The following OR2T1 variants were observed in gnomAD, a reference collection of about 807,000 sequenced individuals.
The protein encoded by OR2T1 is olfactory receptor family 2 subfamily T member 1, also known as olfactory receptor 2T1.
For missense variants in OR2T1, 440 were observed against 390.2 expected (o/e 1.13, Z -1.07); for synonymous variants, 186 against 145.4 (o/e 1.28, Z -2.01).
Position 248,406,887 on chromosome 1 carries a change from T to G in OR2T1, c.740T>G (p.Val247Gly). The G allele has an allele frequency of 6.2e-7, 1 of 1,614,118 alleles. No individual in the cohort carries two copies. The highest frequency in any genetic ancestry group is 8.5e-7 in the Non-Finnish European group (1 of 1,179,998). Residue 247 changes from valine (V) to glycine (G), a missense_variant, in exon 2 of 2, where the codon GTG (valine) becomes GGG (glycine). Val to Gly is a moderately radical substitution (Grantham distance 109, BLOSUM62 -3). Transcript: ENST00000642005. Reference sequence around the variant, plus strand: ...ACTTGCTCATCCCACATGACTGTGGTGTCCTTGTTCTACGGGGCTGCCATG... The same window carrying G: ...ACTTGCTCATCCCACATGACTGTGGGGTCCTTGTTCTACGGGGCTGCCATG... ...FATCSSHMTV[V>G]SLFYGAAMYT...
At chr1:248,406,087 C>T in intron 1 of OR2T1, 28 bp from the exon 2 acceptor site, 2 of 1,613,960 alleles carry the variant, frequency 1.2e-6, no homozygotes, top group South Asian at 1.1e-5. Context: ...TTTTACTGCC[C>T]TGGGAATGCT....
chr1:248,406,508 C>A lies in OR2T1; in HGVS notation c.361C>A (p.Arg121Ser). The change falls in exon 2 of 2, where the codon CGC (arginine) becomes AGC (serine). Residue 121 changes from arginine to serine, a missense_variant. Transcript: ENST00000642005. ...FFLLGLMAYD[R>S]YVAICNPLRY... The stretch of plus-strand genomic sequence containing the variant: ...CCTGCTGGGCCTCATGGCCTATGAC[C>A]GCTATGTGGCCATTTGCAACCCTCT... The A allele has an allele frequency of 6.2e-7, 1 of 1,614,136 alleles. No homozygotes were observed. Among genetic ancestry groups the A allele is most frequent in the Non-Finnish European group, 8.5e-7 (1 of 1,180,008 alleles).
At chr1:248,404,485 C>T (rs1374651141) in intron 1 of OR2T1, among the ~76,000 whole-genome samples, 3 of 148,414 alleles carry the variant, frequency 2.0e-5, no homozygotes, top group South Asian at 4.4e-4. Context: ...TGACATTGTA[C>T]ATAGTATCAT....
Position 248,407,400 on chromosome 1 carries a change from A to G in OR2T1, c.*296A>G, listed in dbSNP as rs186361629. 7.3e-4 allele frequency: 264 copies of G among 360,192 alleles called. 1 individual carries two copies. The highest frequency in any genetic ancestry group is 2.7e-3 in the Admixed American group (62 of 23,254). 22.3% of individuals were successfully genotyped at this position (360,192 alleles called of 1,614,324 possible). On this transcript the variant is annotated 3_prime_UTR_variant, in exon 2 of 2. Transcript: ENST00000642005. Reference sequence around the variant, plus strand: ...CCAATCTTTCCCCGCTTTTGGTCACAAAGAAATTATCTGACTACCTTGTCT... The same window carrying G: ...CCAATCTTTCCCCGCTTTTGGTCACGAAGAAATTATCTGACTACCTTGTCT...
chr1:248,405,392 A>T (rs1049477941), intron 1 of OR2T1, among the ~76,000 whole-genome samples: 1 of 152,180 alleles, frequency 6.6e-6, no homozygotes, highest in Admixed American at 6.6e-5. Flanking sequence ...TTAATTGCTA[A>T]TACTGATTTC....
intron 1 of OR2T1, among the ~76,000 whole-genome samples, chr1:248,405,406 T>G (rs188029594): frequency 2.0e-5 from 3 of 152,326 alleles, no homozygotes; most frequent in Non-Finnish European, 1.5e-5. Flanking sequence ...TGATTTCTAA[T>G]GGTCATGCTA....
chr1:248,405,881 A>T (rs980593570), intron 1 of OR2T1: 1 of 840,438 alleles, frequency 1.2e-6, no homozygotes, highest in East Asian at 2.5e-5. Context: ...ATCGTAATAC[A>T]GTATCATCTG....
chr1:248,407,106 A>C lies in OR2T1; in HGVS notation c.*2A>C, dbSNP rs1283049070. 1.3e-6 allele frequency: 2 copies of C among 1,566,720 alleles called. No individual in the cohort carries two copies. The highest frequency in any genetic ancestry group is 1.7e-6 in the Non-Finnish European group (2 of 1,158,412). On this transcript the variant is annotated 3_prime_UTR_variant, in exon 2 of 2. Transcript: ENST00000642005. Reference sequence around the variant, plus strand: ...AGGGTGTCAGGAGGTGTCTTTTGACAGTCGACTCCTTCCCATGCATATGGT... The same window carrying C: ...AGGGTGTCAGGAGGTGTCTTTTGACCGTCGACTCCTTCCCATGCATATGGT...
chr1:248,403,457 T>TA (rs1558313531), intron 1 of OR2T1, among the ~76,000 whole-genome samples: 1 of 152,172 alleles, frequency 6.6e-6, no homozygotes, highest in African/African-American at 2.4e-5. Context: ...TCAATTAATA[T>TA]AAGCAGATAC....
At chr1:248,404,750 A>G (rs1023780012) in intron 1 of OR2T1, among the ~76,000 whole-genome samples, 1 of 152,070 alleles carries the variant, frequency 6.6e-6, no homozygotes, top group East Asian at 1.9e-4. Context: ...CATGCTTGGT[A>G]CATTTTATTT....
chr1:248,403,651 T>C (rs1661476391), intron 1 of OR2T1, among the ~76,000 whole-genome samples: 1 of 152,176 alleles, frequency 6.6e-6, no homozygotes, highest in South Asian at 2.1e-4. Context: ...ATTATTTTTA[T>C]GTGTACTAAA....
In OR2T1 at chr1:248,406,597, G is replaced by A. The variant is rs1270183046; in HGVS notation, c.450G>A (p.Gly150=). 2 of 1,613,952 alleles carry A rather than the reference G, an allele frequency of 1.2e-6. No homozygotes were observed. Among genetic ancestry groups the A allele is most frequent in the African/African-American group, 1.3e-5 (1 of 74,868 alleles). ...CWMIIAGSWF[G]GSLDGFLLTP... ...TGATTATAGCAGGTTCCTGGTTTGGGGGCTCTTTGGATGGCTTCCTCCTAA... is the reference window on the plus strand; with the variant it reads ...TGATTATAGCAGGTTCCTGGTTTGGAGGCTCTTTGGATGGCTTCCTCCTAA... Residue 150 remains glycine (G), a synonymous_variant, in exon 2 of 2, where the codon GGG becomes GGA. Coordinates refer to ENST00000642005, the MANE Select transcript of OR2T1 (RefSeq NM_030904.2).
chr1:248,405,892 C>T (rs957956752), intron 1 of OR2T1: 3 of 934,962 alleles, frequency 3.2e-6, no homozygotes, highest in Admixed American at 2.5e-5. Flanking sequence ...GTATCATCTG[C>T]TGACCTCATC....
chr1:248,406,540 C>G lies in OR2T1; in HGVS notation c.393C>G (p.Tyr131Ter), dbSNP rs146416035. The G allele has an allele frequency of 6.2e-7, 1 of 1,614,152 alleles. No homozygotes were observed. Among genetic ancestry groups the G allele is most frequent in the South Asian group, 1.1e-5 (1 of 91,078 alleles). The change falls in exon 2 of 2, where the codon TAC (tyrosine) becomes TAG (stop). Residue 131 changes from tyrosine (Y) to a stop codon, truncating the protein, a stop_gained. Transcript: ENST00000642005. LOFTEE classifies it low-confidence loss of function (END_TRUNC). ...RYVAICNPLR[Y>*]PVLMSRRVCW... ...TGGCCATTTGCAACCCTCTGAGATACCCTGTCCTCATGAGCCGCCGGGTCT... is the reference window on the plus strand; with the variant it reads ...TGGCCATTTGCAACCCTCTGAGATAGCCTGTCCTCATGAGCCGCCGGGTCT...
In OR2T1 at chr1:248,407,274, A is replaced by G; in HGVS notation, c.*170A>G. The G allele has an allele frequency of 2.0e-6, 1 of 499,226 alleles. No homozygotes were observed. The highest frequency in any genetic ancestry group is 3.4e-6 in the Non-Finnish European group (1 of 298,438). The allele number at this position is 499,226 out of a possible 1,614,324, so 30.9% of individuals were successfully genotyped here. ...CATAGTTATGATGTTGTGGTTTTTT[A>G]GGCCTCAGAAAACTGAATCTCTCTC... On this transcript the variant is annotated 3_prime_UTR_variant, in exon 2 of 2. Coordinates refer to ENST00000642005, the MANE Select transcript of OR2T1 (RefSeq NM_030904.2).
In OR2T1 at chr1:248,407,525, G is replaced by A. The variant is rs1270282219; in HGVS notation, c.*421G>A. 2.3e-5 allele frequency: 4 copies of A among 174,746 alleles called. No individual in the cohort carries two copies. Among genetic ancestry groups the A allele is most frequent in the Non-Finnish European group, 4.8e-5 (4 of 84,036 alleles). The allele number at this position is 174,746 out of a possible 1,614,324, so 10.8% of individuals were successfully genotyped here. Reference sequence around the variant, plus strand: ...AGGCCAAGAAAAATCCGATCAGACAGGCCTTCGTGGGTGTCCCCACTCACT... The same window carrying A: ...AGGCCAAGAAAAATCCGATCAGACAAGCCTTCGTGGGTGTCCCCACTCACT... On this transcript the variant is annotated 3_prime_UTR_variant, in exon 2 of 2. Transcript: ENST00000642005.
At position 248,403,076 on chromosome 1, in the gene OR2T1, A is replaced by G. The variant is rs1325550020; in HGVS notation, c.-203A>G. 3 of 152,148 alleles carry G rather than the reference A, an allele frequency of 2.0e-5. No homozygotes were observed. The highest frequency in any genetic ancestry group is 7.2e-5 in the African/African-American group (3 of 41,452). The allele number at this position is 152,148 out of a possible 1,614,324, so 9.4% of individuals were successfully genotyped here. ...AAGCATACTTCTGCTCTTCAAAGGCATTTAGATGTTCTGCAAGCTTAATTG... is the reference window on the plus strand; with the variant it reads ...AAGCATACTTCTGCTCTTCAAAGGCGTTTAGATGTTCTGCAAGCTTAATTG... On this transcript the variant is annotated 5_prime_UTR_variant, in exon 1 of 2. Transcript: ENST00000642005.
Position 248,406,711 on chromosome 1 carries a change from T to C in OR2T1, c.564T>C (p.Cys188=), listed in dbSNP as rs370422886. 59 of 1,614,144 alleles carry C rather than the reference T, an allele frequency of 3.7e-5. No homozygotes were observed. The East Asian group carries it at 1.2e-3, about 33-fold the overall frequency. The change falls in exon 2 of 2, where the codon TGT becomes TGC. Residue 188 remains cysteine (C), a synonymous_variant. Coordinates refer to ENST00000642005, the MANE Select transcript of OR2T1 (RefSeq NM_030904.2). ...CEAPAVLKLA[C]ADTALYETVM... ...CACCAGCAGTCCTGAAGTTGGCATGTGCAGACACAGCCCTCTACGAGACAG... is the reference window on the plus strand; with the variant it reads ...CACCAGCAGTCCTGAAGTTGGCATGCGCAGACACAGCCCTCTACGAGACAG...
chr1:248,406,744 T>A lies in OR2T1; in HGVS notation c.597T>A (p.Tyr199Ter). Residue 199 changes from tyrosine to a stop codon, truncating the protein, a stop_gained, in exon 2 of 2, where the codon TAT becomes TAA. Coordinates refer to ENST00000642005, the MANE Select transcript of OR2T1 (RefSeq NM_030904.2). LOFTEE classifies it low-confidence loss of function (END_TRUNC). The part of the protein sequence containing the change: ...ADTALYETVM[Y>*]VCCVLMLLIP... ...CAGCCCTCTACGAGACAGTGATGTA[T>A]GTGTGCTGTGTTTTGATGCTGCTGA... The A allele has an allele frequency of 6.2e-7, 1 of 1,614,176 alleles. No homozygotes were observed. Among genetic ancestry groups the A allele is most frequent in the East Asian group, 2.2e-5 (1 of 44,882 alleles).
Sources: allele counts gnomAD v4.1 joint callset (sites outside exome capture counted in the v4.1 genomes callset), GRCh38; gene constraint gnomAD v4.1.1; transcripts MANE v1.5; gene names NCBI Gene and HGNC (gene_info 2026-07-23, HGNC 2026-07-21).